The following SKAP1 variants were observed in gnomAD, a reference collection of about 807,000 sequenced individuals.
SKAP1 encodes src kinase-associated phosphoprotein 1.
SKAP1 carries 44 observed loss-of-function variants against 58.5 expected under a neutral mutation model. The ratio of observed to expected loss-of-function variants is 0.75; its 90% confidence interval spans 0.59 to 0.97. The LOEUF (loss-of-function observed/expected upper bound fraction) is 0.97. Ranked by LOEUF, SKAP1 falls within the 50% of genes least tolerant of loss-of-function variation. The probability of loss-of-function intolerance (pLI) is 0.00; values close to 1 mark genes in which losing one functional copy is unlikely to be tolerated. For synonymous variants in SKAP1, 127 were observed against 149.7 expected (o/e 0.85, Z 1.11); for missense variants, 390 against 435.2 (o/e 0.90, Z 0.92).
At chr17:48,377,655 A>G (rs1329715227) in intron 2 of SKAP1, among the ~76,000 whole-genome samples, 1 of 152,130 alleles carries the variant, frequency 6.6e-6, no homozygotes, top group Non-Finnish European at 1.5e-5. Context: ...AGAACTGAAT[A>G]GCTTTCCAGA....
At chr17:48,317,521 A>G (rs1443314164) in intron 4 of SKAP1, among the ~76,000 whole-genome samples, 1 of 152,252 alleles carries the variant, frequency 6.6e-6, no homozygotes, top group Non-Finnish European at 1.5e-5. Flanking sequence ...TAAGCTGGTC[A>G]TATAAAATGT....
At chr17:48,290,188 T>C (rs1054921860) in intron 4 of SKAP1, among the ~76,000 whole-genome samples, 1 of 152,214 alleles carries the variant, frequency 6.6e-6, no homozygotes, top group Non-Finnish European at 1.5e-5. Context: ...GCCAGTTTCA[T>C]GTCCTTGATG....
In SKAP1 at chr17:48,249,683, C is replaced by T. The variant is rs888644771; in HGVS notation, c.281-60183G>A. ...CTTGTCTTAAAAAAAAAACAAAACC[C>T]GGAAGCCCCCCGCAAAAACCACTTC... On this transcript the variant is annotated intron_variant, in intron 4 of 12. Transcript: ENST00000336915. 1.1e-4 allele frequency among the ~76,000 whole-genome samples: 17 copies of T among 151,834 alleles called. No individual in the cohort carries two copies. In the South Asian group the frequency reaches 1.2e-3, roughly 11 times the overall value.
chr17:48,176,145 T>C (rs1180418110), intron 9 of SKAP1, among the ~76,000 whole-genome samples: 2 of 152,168 alleles, frequency 1.3e-5, no homozygotes, highest in Non-Finnish European at 2.9e-5. Flanking sequence ...GCAATCTGGT[T>C]TCTAGGTTTA....
chr17:48,349,794 A>G (rs538530373), intron 3 of SKAP1, among the ~76,000 whole-genome samples: 1 of 152,316 alleles, frequency 6.6e-6, no homozygotes, highest in East Asian at 1.9e-4. Context: ...GTTGGAGCAG[A>G]AAGATAAAGC....
intron 9 of SKAP1, among the ~76,000 whole-genome samples, chr17:48,178,011 T>TGG (rs144977957): frequency 1.3e-5 from 2 of 152,232 alleles, no homozygotes; most frequent in South Asian, 2.1e-4. Context: ...TTCATGCCCT[T>TGG]GGGGCCACTC....
chr17:48,184,936 A>G, intron 6 of SKAP1, 89 bp from the exon 7 acceptor site: 1 of 1,337,342 alleles, frequency 7.5e-7, no homozygotes, highest in Non-Finnish European at 1.0e-6. Flanking sequence ...AAAAGCACAG[A>G]AACAGCTGTT....
intron 4 of SKAP1, among the ~76,000 whole-genome samples, chr17:48,272,647 T>A (rs564805957): frequency 1.3e-5 from 2 of 151,986 alleles, no homozygotes; most frequent in South Asian, 2.1e-4. Flanking sequence ...CCTCTGCCCA[T>A]TGGGCTCAAG....
intron 1 of SKAP1, chr17:48,397,075 AG>A (rs2067430188): frequency 4.8e-6 from 2 of 420,564 alleles, no homozygotes; most frequent in South Asian, 2.0e-4. Context: ...ATATACCTGT[AG>A]GTAACATGTT....
rs539593959 is a variant in SKAP1 at position 48,246,542 on chromosome 17, A to C, written c.281-57042T>G. 7.9e-5 allele frequency among the ~76,000 whole-genome samples: 12 copies of C among 152,322 alleles called. No homozygotes were observed. The South Asian group carries it at 2.5e-3, about 32-fold the overall frequency. ...ATAGTCATCCTTCAAAGCCTGATTC[A>C]AATACGGTTCTTCATGGAGTTCTAG... On this transcript the variant is annotated intron_variant, in intron 4 of 12. Transcript: ENST00000336915.
intron 4 of SKAP1, among the ~76,000 whole-genome samples, chr17:48,273,196 A>G (rs1157025218): frequency 1.3e-5 from 2 of 152,124 alleles, no homozygotes; most frequent in Admixed American, 6.6e-5. Context: ...TTTGATATCT[A>G]TTACACTCCT....
At chr17:48,306,590 C>G (rs980503528) in intron 4 of SKAP1, among the ~76,000 whole-genome samples, 3 of 152,102 alleles carry the variant, frequency 2.0e-5, no homozygotes, top group Admixed American at 6.5e-5. Flanking sequence ...CAGTTACACA[C>G]CTTTTTTAAA....
chr17:48,179,122 T>A (rs1297599973), intron 9 of SKAP1, among the ~76,000 whole-genome samples: 5 of 152,236 alleles, frequency 3.3e-5, no homozygotes, highest in African/African-American at 1.2e-4. Flanking sequence ...TAGATTCACC[T>A]TAGCTCTTAG....
At chr17:48,296,005 A>G (rs1448661299) in intron 4 of SKAP1, among the ~76,000 whole-genome samples, 1 of 152,138 alleles carries the variant, frequency 6.6e-6, no homozygotes, top group Non-Finnish European at 1.5e-5. Context: ...AGATTATTAA[A>G]ATTGATCCTG....
intron 4 of SKAP1, among the ~76,000 whole-genome samples, chr17:48,277,583 G>C (rs2065716189): frequency 1.3e-5 from 2 of 152,068 alleles, no homozygotes; most frequent in African/African-American, 4.8e-5. Flanking sequence ...GAAATTTGGG[G>C]TTATTAGATT....
intron 4 of SKAP1, among the ~76,000 whole-genome samples, chr17:48,281,320 G>A (rs1598506046): frequency 1.3e-5 from 2 of 152,116 alleles, no homozygotes; most frequent in South Asian, 4.1e-4. Context: ...CACTGCACCT[G>A]GCCCAGAGCT....
At chr17:48,214,935 A>ATAAAG (rs982739471) in intron 4 of SKAP1, among the ~76,000 whole-genome samples, 2 of 147,878 alleles carry the variant, frequency 1.4e-5, no homozygotes, top group African/African-American at 5.0e-5. Context: ...ATAAAGTAAA[A>ATAAAG]TAAAATAAAA....
chr17:48,317,619 T>TAA (rs2066306531), intron 4 of SKAP1, among the ~76,000 whole-genome samples: 2 of 152,356 alleles, frequency 1.3e-5, no homozygotes, highest in South Asian at 4.1e-4. Flanking sequence ...AAACAAATGA[T>TAA]AATAGGCAAG....
intron 3 of SKAP1, among the ~76,000 whole-genome samples, chr17:48,361,099 C>CTATACTATACTATAT (rs2066930785): frequency 6.6e-6 from 1 of 151,462 alleles, no homozygotes; most frequent in African/African-American, 2.4e-5. Context: ...CTATACTATA[C>CTATACTATACTATAT]TATACTATAC....
Sources: gnomAD v4.1 joint callset for allele counts (sites outside exome capture counted in the v4.1 genomes callset) on GRCh38, gnomAD v4.1.1 for gene constraint, MANE v1.5 for transcripts, NCBI Gene and HGNC (gene_info 2026-07-23, HGNC 2026-07-21) for gene names.